Variants in CNTNAP2 observed in about 807,000 individuals in gnomAD.
CNTNAP2 encodes contactin-associated protein-like 2.
Under a neutral mutation model 155.2 loss-of-function variants are expected in CNTNAP2, and 98 were observed. The ratio of observed to expected loss-of-function variants is 0.63; its 90% CI spans 0.54 to 0.75. CNTNAP2 has a LOEUF of 0.75. CNTNAP2 is among the 30% of genes least tolerant of loss of function. The probability of loss-of-function intolerance (pLI) is 0.00; values close to 1 mark genes in which losing one functional copy is unlikely to be tolerated. For missense variants in CNTNAP2, 1,727 were observed against 1,688.1 expected (o/e 1.02, Z -0.40); for synonymous variants, 651 against 631.2 (o/e 1.03, Z -0.47).
intron 8 of CNTNAP2, among the ~76,000 whole-genome samples, chr7:147,235,345 G>GGTGTGTCT (rs1803776228): frequency 7.1e-6 from 1 of 140,882 alleles, no homozygotes; most frequent in Non-Finnish European, 1.5e-5. Flanking sequence ...TGGAGTTTTT[G>GGTGTGTCT]GTGTGTGTGT....
intron 8 of CNTNAP2, among the ~76,000 whole-genome samples, chr7:147,172,926 A>G (rs60775447): frequency 0.011 from 1,700 of 152,288 alleles, 30 homozygotes; most frequent in African/African-American, 0.039. Flanking sequence ...ACCACAAAAT[A>G]TCGTAATATA....
At chr7:147,273,818 ATT>A (rs1168440726) in intron 8 of CNTNAP2, among the ~76,000 whole-genome samples, 2 of 147,238 alleles carry the variant, frequency 1.4e-5, no homozygotes, top group Non-Finnish European at 3.0e-5. Context: ...ATACATATAT[ATT>A]TTATGTATAA....
At chr7:146,180,558 A>T (rs931108474) in intron 1 of CNTNAP2, among the ~76,000 whole-genome samples, 2 of 152,240 alleles carry the variant, frequency 1.3e-5, no homozygotes, top group South Asian at 4.1e-4. Flanking sequence ...TTAACCTAGT[A>T]TATTAAAATG....
intron 10 of CNTNAP2, among the ~76,000 whole-genome samples, chr7:147,441,855 C>CT (rs1563205224): frequency 7.3e-6 from 1 of 136,580 alleles, no homozygotes; most frequent in African/African-American, 2.7e-5. Context: ...CTCTCTCCCT[C>CT]CCTCCCTCCC....
chr7:146,331,373 T>A (rs1417022835), intron 1 of CNTNAP2, among the ~76,000 whole-genome samples: 4 of 152,140 alleles, frequency 2.6e-5, no homozygotes, highest in African/African-American at 9.7e-5. Context: ...TATATTCCAT[T>A]TATCCAGCAG....
At chr7:146,747,048 A>G (rs190322872) in intron 1 of CNTNAP2, among the ~76,000 whole-genome samples, 2 of 152,128 alleles carry the variant, frequency 1.3e-5, no homozygotes, top group African/African-American at 4.8e-5. Context: ...TAATCCATCT[A>G]TGTAGCTCTG....
intron 2 of CNTNAP2, among the ~76,000 whole-genome samples, chr7:146,818,534 C>T (rs1278549425): frequency 6.6e-6 from 1 of 151,830 alleles, no homozygotes; most frequent in Non-Finnish European, 1.5e-5. Context: ...TTAAATACCT[C>T]CATGGAAAAA....
chr7:146,636,503 A>G (rs1799602355), intron 1 of CNTNAP2, among the ~76,000 whole-genome samples: 2 of 152,136 alleles, frequency 1.3e-5, no homozygotes, highest in Admixed American at 1.3e-4. Flanking sequence ...GCCTCTTATA[A>G]TTCTGTGTTT....
At chr7:148,011,444 T>A (rs547119834) in intron 15 of CNTNAP2, among the ~76,000 whole-genome samples, 1 of 152,340 alleles carries the variant, frequency 6.6e-6, no homozygotes, top group South Asian at 2.1e-4. Flanking sequence ...GTCTTACAAG[T>A]GTCTTAAGTA....
chr7:146,762,582 G>A (rs892868141), intron 1 of CNTNAP2, among the ~76,000 whole-genome samples: 3 of 152,148 alleles, frequency 2.0e-5, no homozygotes, highest in African/African-American at 7.2e-5. Flanking sequence ...CTGAGTGACA[G>A]AACAAGACTC....
intron 8 of CNTNAP2, among the ~76,000 whole-genome samples, chr7:147,180,237 C>T (rs1802426831): frequency 6.6e-6 from 1 of 152,162 alleles, no homozygotes; most frequent in Non-Finnish European, 1.5e-5. Flanking sequence ...TTCTGATTCT[C>T]TTTCTATAAA....
intron 1 of CNTNAP2, among the ~76,000 whole-genome samples, chr7:146,703,285 G>T (rs976758902): frequency 2.6e-5 from 4 of 152,076 alleles, no homozygotes; most frequent in African/African-American, 7.2e-5. Context: ...CTCTGGAGGG[G>T]TCTCTATGAG....
intron 10 of CNTNAP2, among the ~76,000 whole-genome samples, chr7:147,446,206 C>T (rs949906905): frequency 1.3e-4 from 19 of 151,346 alleles, no homozygotes; most frequent in Non-Finnish European, 7.4e-5. Context: ...CTCTCTCCTC[C>T]CCCCACCCCT....
chr7:146,801,805 C>T (rs534130041), intron 2 of CNTNAP2, among the ~76,000 whole-genome samples: 11 of 152,086 alleles, frequency 7.2e-5, no homozygotes, highest in Middle Eastern at 3.4e-3. Context: ...ATAGCAGATA[C>T]GGTGAATTTT....
chr7:147,183,732 C>T (rs1405528818), intron 8 of CNTNAP2, among the ~76,000 whole-genome samples: 1 of 152,152 alleles, frequency 6.6e-6, no homozygotes, highest in African/African-American at 2.4e-5. Flanking sequence ...TGTGACCCTT[C>T]TCTGTCACAG....
intron 8 of CNTNAP2, among the ~76,000 whole-genome samples, chr7:147,261,823 CA>C (rs1804473944): frequency 6.6e-6 from 1 of 152,140 alleles, no homozygotes; most frequent in African/African-American, 2.4e-5. Context: ...GTAATCTGAA[CA>C]ATTATTCTGA....
chr7:147,731,905 A>C (rs541378725), intron 13 of CNTNAP2, among the ~76,000 whole-genome samples: 1 of 152,276 alleles, frequency 6.6e-6, no homozygotes, highest in Admixed American at 6.5e-5. Context: ...AAGTAACTGC[A>C]GATGTGGTAG....
chr7:146,788,501 A>T (rs1425131302), intron 2 of CNTNAP2, among the ~76,000 whole-genome samples: 1 of 152,208 alleles, frequency 6.6e-6, no homozygotes, highest in Admixed American at 6.5e-5. Flanking sequence ...AGAAATGATG[A>T]CTTCTTTACT....
chr7:146,311,301 C>G (rs1246917723), intron 1 of CNTNAP2, among the ~76,000 whole-genome samples: 1 of 152,052 alleles, frequency 6.6e-6, no homozygotes, highest in Non-Finnish European at 1.5e-5. Flanking sequence ...TCTGAGTACT[C>G]AAGTTTGGGT....
Sources: allele counts gnomAD v4.1 joint callset (sites outside exome capture counted in the v4.1 genomes callset), GRCh38; gene constraint gnomAD v4.1.1; transcripts MANE v1.5; gene names NCBI Gene and HGNC (gene_info 2026-07-23, HGNC 2026-07-21).